The following ZNF559 variants were observed in gnomAD, a reference collection of about 807,000 sequenced individuals.
ZNF559 encodes zinc finger protein 559, also known as putative protein product of Nbla00121.
ZNF559 carries 17 observed loss-of-function variants against 14.2 expected under a neutral mutation model. The ratio of observed to expected loss-of-function variants is 1.20; its 90% CI spans 0.82 to 1.80. The LOEUF (loss-of-function observed/expected upper bound fraction) is 1.80. Ranked by LOEUF, ZNF559 falls within the 40% of genes most tolerant of loss-of-function variation. The pLI is 0.00. For synonymous variants in ZNF559, 244 were observed against 212.4 expected (o/e 1.15, Z -1.29); for missense variants, 740 against 629.7 (o/e 1.18, Z -1.88).
At chr19:9,338,629 C>A in intron 4 of ZNF559, 47 bp downstream of exon 4, 1 of 1,406,434 alleles carries the variant, frequency 7.1e-7, no homozygotes. Context: ...CTTCTTCCTA[C>A]CATGTAGATG....
intron 2 of ZNF559, among the ~76,000 whole-genome samples, chr19:9,329,208 A>C (rs546178224): frequency 2.6e-4 from 39 of 152,280 alleles, no homozygotes; most frequent in African/African-American, 9.1e-4. Flanking sequence ...ATGTGGTGCC[A>C]TAGTTTTTAA....
intron 2 of ZNF559, among the ~76,000 whole-genome samples, chr19:9,334,165 A>G (rs1392606513): frequency 6.6e-6 from 1 of 152,226 alleles, no homozygotes; most frequent in East Asian, 1.9e-4. Context: ...AGCAACTCAA[A>G]TGTCTGTCTA....
chr19:9,325,694 G>A (rs1183769373), intron 2 of ZNF559, among the ~76,000 whole-genome samples: 1 of 151,764 alleles, frequency 6.6e-6, no homozygotes, highest in Non-Finnish European at 1.5e-5. Context: ...CCTGAGGCAG[G>A]AGAATCGCTT....
At chr19:9,329,744 A>G (rs954014415) in intron 2 of ZNF559, among the ~76,000 whole-genome samples, 6 of 152,004 alleles carry the variant, frequency 3.9e-5, no homozygotes, top group Non-Finnish European at 8.8e-5. Context: ...GCCTACTGCA[A>G]CCTCCACCTC....
rs368757306 is a variant in ZNF559 at position 9,343,108 on chromosome 19, A to G, written c.*40A>G. The G allele has an allele frequency of 2.0e-5, 31 of 1,569,240 alleles. No homozygotes were observed. The highest frequency in any genetic ancestry group is 5.4e-5 in the African/African-American group (4 of 74,116). On this transcript the variant is annotated 3_prime_UTR_variant, in exon 7 of 7. Coordinates refer to ENST00000603380, the MANE Select transcript of ZNF559 (RefSeq NM_032497.3). ...TTGGAAAGAATGTGGTAAAGCCACT[A>G]CTTCCTCACACTTACTGAACATGTA...
intron 2 of ZNF559, among the ~76,000 whole-genome samples, chr19:9,330,449 C>A (rs545823916): frequency 1.3e-5 from 2 of 152,242 alleles, no homozygotes; most frequent in South Asian, 4.1e-4. Context: ...TTTAATGTTT[C>A]TGTTCACTTG....
At chr19:9,335,551 T>C (rs748535387) in intron 2 of ZNF559, among the ~76,000 whole-genome samples, 10 of 151,870 alleles carry the variant, frequency 6.6e-5, no homozygotes, top group South Asian at 2.1e-4. Context: ...TTTTCTTTTT[T>C]CTTCTTTTTT....
chr19:9,338,549 G>C lies in ZNF559; in HGVS notation c.-1G>C, dbSNP rs1464581291. On this transcript the variant is annotated 5_prime_UTR_variant, in exon 4 of 7. Coordinates refer to ENST00000603380, the MANE Select transcript of ZNF559 (RefSeq NM_032497.3). ...ATGAGTCAAAATTTGAAGAGGAAAG[G>C]ATGGTGGCTGGGTGGTTGACAAATT... The C allele has an allele frequency of 6.2e-7, 1 of 1,614,042 alleles. No individual in the cohort carries two copies. The highest frequency in any genetic ancestry group is 2.2e-5 in the East Asian group (1 of 44,866).
chr19:9,335,430 C>T (rs1342727002), intron 2 of ZNF559, among the ~76,000 whole-genome samples: 2 of 152,198 alleles, frequency 1.3e-5, no homozygotes, highest in Non-Finnish European at 2.9e-5. Context: ...CCTACTATTG[C>T]ACTCCAGCCT....
chr19:9,329,551 C>T (rs2066826715), intron 2 of ZNF559, among the ~76,000 whole-genome samples: 1 of 152,192 alleles, frequency 6.6e-6, no homozygotes, highest in Non-Finnish European at 1.5e-5. Context: ...AGAATAGGGG[C>T]TCCTGCTGTC....
rs1357852994 is a variant in ZNF559 at position 9,344,033 on chromosome 19, C to G, written c.*965C>G. On this transcript the variant is annotated 3_prime_UTR_variant, in exon 7 of 7. Transcript: ENST00000603380. Reference sequence around the variant, plus strand: ...CCGAAGCGAGTGGATCATTTGAGGTCAGGAGTTCGAGACCAGCCTGGCCAA... The same window carrying G: ...CCGAAGCGAGTGGATCATTTGAGGTGAGGAGTTCGAGACCAGCCTGGCCAA... 1 of 160,722 alleles carries G rather than the reference C, an allele frequency of 6.2e-6. No homozygotes were observed. The highest frequency in any genetic ancestry group is 2.4e-5 in the African/African-American group (1 of 41,544). 10.0% of individuals were successfully genotyped at this position (160,722 alleles called of 1,614,324 possible).
chr19:9,334,084 C>T (rs564324765), intron 2 of ZNF559, among the ~76,000 whole-genome samples: 4 of 152,226 alleles, frequency 2.6e-5, no homozygotes, highest in South Asian at 4.2e-4. Context: ...CATTGTGTTC[C>T]AAATTTGAAT....
intron 2 of ZNF559, among the ~76,000 whole-genome samples, chr19:9,328,931 C>T (rs1035497692): frequency 6.6e-6 from 1 of 152,136 alleles, no homozygotes; most frequent in Non-Finnish European, 1.5e-5. Context: ...TCTGATATTT[C>T]TTACTGATAG....
intron 2 of ZNF559, among the ~76,000 whole-genome samples, chr19:9,326,035 T>C (rs1260368151): frequency 1.3e-5 from 2 of 151,794 alleles, no homozygotes. Context: ...ATAGTCACCA[T>C]TATAGTTGCC....
chr19:9,326,399 A>G lies in ZNF559; in HGVS notation c.-120+1619A>G, dbSNP rs576649183. On this transcript the variant is annotated intron_variant, in intron 2 of 6. Transcript: ENST00000603380. ...CGTGAACCACCATGCCCCGCCATTC[A>G]CCTGAATTTTTAAAAATAAAATTTT... 1.6e-4 allele frequency among the ~76,000 whole-genome samples: 25 copies of G among 152,202 alleles called. No homozygotes were observed. In the South Asian group the frequency reaches 4.1e-3, roughly 25 times the overall value.
chr19:9,342,992 G>A lies in ZNF559; in HGVS notation c.1541G>A (p.Ser514Asn). 1 of 1,614,190 alleles carries A rather than the reference G, an allele frequency of 6.2e-7. No homozygotes were observed. The highest frequency in any genetic ancestry group is 8.5e-7 in the Non-Finnish European group (1 of 1,180,032). Residue 514 changes from serine (S) to asparagine (N), a missense_variant, in exon 7 of 7, where the codon AGT (serine) becomes AAT (asparagine). Physicochemically the swap from Ser to Asn is conservative, Grantham distance 46. Coordinates refer to ENST00000603380, the MANE Select transcript of ZNF559 (RefSeq NM_032497.3). ...RSTYLIRHLR[S>N]HSVEKPYKEC... Reference sequence around the variant, plus strand: ...ACATATCTTATTCGACATCTAAGAAGTCATAGTGTGGAGAAACCATATAAG... The same window carrying A: ...ACATATCTTATTCGACATCTAAGAAATCATAGTGTGGAGAAACCATATAAG...
At chr19:9,335,520 G>A (rs539779359) in intron 2 of ZNF559, among the ~76,000 whole-genome samples, 1 of 152,226 alleles carries the variant, frequency 6.6e-6, no homozygotes, top group East Asian at 1.9e-4. Flanking sequence ...GTGTGATTCA[G>A]CATTTCATCC....
At position 9,328,348 on chromosome 19, in the gene ZNF559, C is replaced by CTTTTT. The variant is rs904074002; in HGVS notation, c.-120+3588_-120+3592dup. Among the ~76,000 whole-genome samples the CTTTTT allele has an allele frequency of 3.6e-3, 217 of 60,946 alleles. 7 individuals are homozygous for CTTTTT. The highest frequency in any genetic ancestry group is 7.8e-3 in the African/African-American group (111 of 14,172). 40.0% of individuals were successfully genotyped at this position (60,946 alleles called of 152,430 possible). On this transcript the variant is annotated intron_variant, in intron 2 of 6. Transcript: ENST00000603380. ...TTGACATACTATTAGGCTTGTTTGT[C>CTTTTT]TTTTTTTTTTTTTTTTTTTTTTTTG...
intron 2 of ZNF559, among the ~76,000 whole-genome samples, chr19:9,326,830 G>C (rs2066633118): frequency 6.6e-6 from 1 of 152,150 alleles, no homozygotes; most frequent in South Asian, 2.1e-4. Flanking sequence ...TCTGTATTTA[G>C]AGTTTATAAA....
Sources: allele counts gnomAD v4.1 joint callset (sites outside exome capture counted in the v4.1 genomes callset), GRCh38; gene constraint gnomAD v4.1.1; transcripts MANE v1.5; gene names NCBI Gene and HGNC (gene_info 2026-07-23, HGNC 2026-07-21).